ADAMTS3: variants seen among roughly 807,000 people sequenced by gnomAD.
ADAMTS3 encodes ADAM metallopeptidase with thrombospondin type 1 motif 3, also known as A disintegrin and metalloproteinase with thrombospondin motifs 3.
ADAMTS3 carries 73 observed loss-of-function variants against 129.0 expected under a neutral mutation model. The ratio of observed to expected loss-of-function variants is 0.57; its 90% confidence interval spans 0.47 to 0.69. The LOEUF (loss-of-function observed/expected upper bound fraction) is 0.69. Ranked by LOEUF, ADAMTS3 falls within the 30% of genes least tolerant of loss-of-function variation. ADAMTS3 has a pLI of 0.00. For synonymous variants in ADAMTS3, 477 were observed against 510.8 expected (o/e 0.93, Z 0.89); for missense variants, 1,457 against 1,514.5 (o/e 0.96, Z 0.63).
At chr4:72,457,353 A>G (rs919827891) in intron 3 of ADAMTS3, among the ~76,000 whole-genome samples, 3 of 151,712 alleles carry the variant, frequency 2.0e-5, no homozygotes, top group Non-Finnish European at 4.4e-5. Context: ...GTATAAGGGA[A>G]TAAAATCTTA....
At chr4:72,422,701 C>T (rs1036928338) in intron 3 of ADAMTS3, among the ~76,000 whole-genome samples, 1 of 152,064 alleles carries the variant, frequency 6.6e-6, no homozygotes, top group Non-Finnish European at 1.5e-5. Context: ...GGCCACACTC[C>T]TTACTCACTA....
intron 4 of ADAMTS3, among the ~76,000 whole-genome samples, chr4:72,375,291 A>C (rs1007292897): frequency 9.2e-5 from 14 of 152,192 alleles, no homozygotes; most frequent in Admixed American, 3.3e-4. Flanking sequence ...AATTGCCCCC[A>C]GGCCGCCAAA....
intron 3 of ADAMTS3, among the ~76,000 whole-genome samples, chr4:72,488,545 C>G (rs1346725744): frequency 1.3e-5 from 2 of 151,920 alleles, no homozygotes; most frequent in Non-Finnish European, 2.9e-5. Context: ...CCTAATCCAA[C>G]CTACAGCCAT....
intron 3 of ADAMTS3, among the ~76,000 whole-genome samples, chr4:72,515,910 G>C (rs1178332154): frequency 6.6e-6 from 1 of 152,150 alleles, no homozygotes; most frequent in Non-Finnish European, 1.5e-5. Context: ...AAGTCCTTGT[G>C]CATGCCTATG....
At chr4:72,554,631 C>A (rs1363796826) in intron 2 of ADAMTS3, among the ~76,000 whole-genome samples, 1 of 149,312 alleles carries the variant, frequency 6.7e-6, no homozygotes, top group Non-Finnish European at 1.5e-5. Context: ...CATATGACAT[C>A]ATTCAAGTCC....
intron 4 of ADAMTS3, among the ~76,000 whole-genome samples, chr4:72,401,649 T>C (rs1272215206): frequency 6.8e-6 from 1 of 146,856 alleles, no homozygotes; most frequent in East Asian, 2.0e-4. Context: ...ACAAATCACA[T>C]GCTCAAAGAA....
intron 5 of ADAMTS3, among the ~76,000 whole-genome samples, chr4:72,334,406 C>A (rs564844427): frequency 2.5e-4 from 38 of 152,204 alleles, no homozygotes; most frequent in African/African-American, 8.9e-4. Flanking sequence ...ACACGGCAGA[C>A]ACTTTTGGAT....
chr4:72,358,573 C>A (rs1383332467), intron 4 of ADAMTS3, among the ~76,000 whole-genome samples: 1 of 151,864 alleles, frequency 6.6e-6, no homozygotes, highest in Non-Finnish European at 1.5e-5. Flanking sequence ...ACGATAGAAT[C>A]AAATATTATA....
At chr4:72,411,469 G>A (rs1030422114) in intron 4 of ADAMTS3, among the ~76,000 whole-genome samples, 1 of 152,014 alleles carries the variant, frequency 6.6e-6, no homozygotes, top group Non-Finnish European at 1.5e-5. Context: ...TCTGTGCAGT[G>A]TATACCTTCA....
At chr4:72,567,200 G>T (rs1262142244) in intron 2 of ADAMTS3, among the ~76,000 whole-genome samples, 174 bp downstream of exon 2, 1 of 152,150 alleles carries the variant, frequency 6.6e-6, no homozygotes, top group African/African-American at 2.4e-5. Flanking sequence ...TTAGCCCCAG[G>T]AAAGTGGGAC....
intron 3 of ADAMTS3, among the ~76,000 whole-genome samples, chr4:72,538,759 A>G (rs1422440756): frequency 6.6e-6 from 1 of 152,214 alleles, no homozygotes. Flanking sequence ...CCTGATAACA[A>G]AACTTACTAC....
At chr4:72,550,710 G>A (rs1721623471) in intron 2 of ADAMTS3, among the ~76,000 whole-genome samples, 1 of 146,416 alleles carries the variant, frequency 6.8e-6, no homozygotes. Flanking sequence ...CCTCCATGGT[G>A]AATACTTTTA....
At position 72,414,991 on chromosome 4, in the gene ADAMTS3, T is replaced by C. The variant is rs767667721; in HGVS notation, c.505-20A>G. The C allele has an allele frequency of 9.0e-5, 129 of 1,428,786 alleles. No homozygotes were observed. The East Asian group carries it at 3.3e-3, about 36-fold the overall frequency. 88.5% of individuals were successfully genotyped at this position (1,428,786 alleles called of 1,614,324 possible). A position where few individuals can be genotyped will look rare whatever the true frequency, so the allele number is the denominator to read the frequency against. ...TCCAGCCTAGAGAAAGCACAAAATG[T>C]GTTAATTTAAAAAAGAAATATCTAT... On this transcript the variant is annotated intron_variant, in intron 3 of 21. Transcript: ENST00000286657.
intron 3 of ADAMTS3, among the ~76,000 whole-genome samples, chr4:72,543,773 A>T (rs1231854429): frequency 1.3e-5 from 2 of 152,150 alleles, no homozygotes; most frequent in African/African-American, 4.8e-5. Flanking sequence ...AAATGAAAAG[A>T]ATTCTGGAGA....
chr4:72,541,010 C>T (rs1027124825), intron 3 of ADAMTS3, among the ~76,000 whole-genome samples: 1 of 152,164 alleles, frequency 6.6e-6, no homozygotes, highest in African/African-American at 2.4e-5. Flanking sequence ...GGCCACCATC[C>T]TCCAGACCCC....
chr4:72,343,176 T>C (rs1714725492), intron 4 of ADAMTS3, among the ~76,000 whole-genome samples: 1 of 152,120 alleles, frequency 6.6e-6, no homozygotes, highest in Admixed American at 6.5e-5. Flanking sequence ...CTAATCTTAT[T>C]ATTCAAATGG....
intron 3 of ADAMTS3, among the ~76,000 whole-genome samples, chr4:72,516,939 T>A (rs908168329): frequency 9.9e-5 from 15 of 152,098 alleles, no homozygotes; most frequent in Non-Finnish European, 1.8e-4. Flanking sequence ...ATGCTTCCAG[T>A]TTTTGCCCAT....
chr4:72,322,838 C>T (rs1178334395), intron 6 of ADAMTS3, among the ~76,000 whole-genome samples, 176 bp downstream of exon 6: 1 of 152,118 alleles, frequency 6.6e-6, no homozygotes, highest in Non-Finnish European at 1.5e-5. Flanking sequence ...CATTCATAAT[C>T]TGCTCAAATT....
intron 21 of ADAMTS3, among the ~76,000 whole-genome samples, chr4:72,286,701 T>C (rs976707942): frequency 6.6e-6 from 1 of 152,096 alleles, no homozygotes; most frequent in Non-Finnish European, 1.5e-5. Flanking sequence ...GTCACTGTCG[T>C]GGCTTTAGCA....
Sources: allele counts gnomAD v4.1 joint callset (sites outside exome capture counted in the v4.1 genomes callset), GRCh38; gene constraint gnomAD v4.1.1; transcripts MANE v1.5; gene names NCBI Gene and HGNC (gene_info 2026-07-23, HGNC 2026-07-21).